Variants in KLF12 observed in about 807,000 individuals in gnomAD.
KLF12 encodes KLF transcription factor 12.
In KLF12, 9 loss-of-function variants were observed where a neutral mutation model predicts 37.8. That is an observed-to-expected ratio of 0.24 (90% CI 0.14 to 0.42). The LOEUF (loss-of-function observed/expected upper bound fraction) is 0.42, where lower values mean the gene tolerates loss of function less well. Among genes scored for constraint, KLF12 ranks in the 10% least tolerant of loss-of-function variants. The probability of loss-of-function intolerance (pLI) is 1.00; values close to 1 mark genes in which losing one functional copy is unlikely to be tolerated. For missense variants in KLF12, 411 were observed against 516.0 expected, an observed-to-expected ratio of 0.80 and a Z score of 1.97; for synonymous variants, 208 against 202.1, an observed-to-expected ratio of 1.03 and a Z score of -0.25.
At chr13:74,271,255 G>T in the KLF12 span, among the ~76,000 whole-genome samples, 2 of 152,130 alleles carry the variant, frequency 1.3e-5, no homozygotes, top group Non-Finnish European at 2.9e-5. Context: ...ATGCCAAAAA[G>T]GTTTGGGACT....
At position 74,039,932 on chromosome 13, in the gene KLF12, A is replaced by G. The variant is rs138793780; in HGVS notation, c.-31-44879T>C. ...TATAAAATAGTGACTTACGGCTGTC[A>G]ATGTAAAAAGTATGGCTTGCTCGAA... On this transcript the variant is annotated intron_variant, in intron 1 of 7. Coordinates refer to ENST00000377669, the MANE Select transcript of KLF12 (RefSeq NM_007249.5). 4.1e-4 allele frequency among the ~76,000 whole-genome samples: 62 copies of G among 152,366 alleles called. 1 individual carries two copies. The highest frequency in any genetic ancestry group is 7.2e-4 in the Non-Finnish European group (49 of 68,034).
chr13:73,860,786 T>C (rs921198864), intron 3 of KLF12, among the ~76,000 whole-genome samples: 5 of 152,174 alleles, frequency 3.3e-5, no homozygotes, highest in Admixed American at 3.3e-4. Context: ...GGTAAATATA[T>C]TAACTTATTA....
intron 3 of KLF12, among the ~76,000 whole-genome samples, chr13:73,912,295 C>A (rs1888606331): frequency 6.6e-6 from 1 of 152,112 alleles, no homozygotes; most frequent in South Asian, 2.1e-4. Flanking sequence ...CTTAAACACT[C>A]TTTTGTGGAT....
intron 3 of KLF12, among the ~76,000 whole-genome samples, chr13:73,910,178 T>C: frequency 6.6e-6 from 1 of 152,168 alleles, no homozygotes; most frequent in East Asian, 1.9e-4. Context: ...TTCAGAAATA[T>C]TCATATTTGC....
chr13:73,895,533 C>G (rs1273312597), intron 3 of KLF12, among the ~76,000 whole-genome samples: 2 of 152,068 alleles, frequency 1.3e-5, no homozygotes, highest in African/African-American at 4.8e-5. Flanking sequence ...TATGCCAGTC[C>G]TCGTATCTTT....
At chr13:73,963,270 AAG>A (rs1891072885) in intron 2 of KLF12, among the ~76,000 whole-genome samples, 1 of 141,686 alleles carries the variant, frequency 7.1e-6, no homozygotes, top group Admixed American at 7.4e-5. Flanking sequence ...CATAAAGTAT[AAG>A]AGAGTCATTT....
chr13:73,762,523 A>T (rs1455873336), intron 6 of KLF12, among the ~76,000 whole-genome samples: 1 of 152,072 alleles, frequency 6.6e-6, no homozygotes, highest in African/African-American at 2.4e-5. Flanking sequence ...CCTGAACTTT[A>T]ATTACTTATT....
chr13:73,790,953 A>G (rs184522389), intron 5 of KLF12, among the ~76,000 whole-genome samples: 2 of 152,256 alleles, frequency 1.3e-5, no homozygotes, highest in Non-Finnish European at 1.5e-5. Context: ...AAAATAACAC[A>G]TTGCCTTGGA....
intron 1 of KLF12, among the ~76,000 whole-genome samples, chr13:74,014,979 C>T (rs1223800928): frequency 1.3e-5 from 2 of 152,058 alleles, no homozygotes; most frequent in Non-Finnish European, 2.9e-5. Flanking sequence ...GATTGTGAAT[C>T]CAAAATCTGT....
At chr13:73,898,764 C>T (rs1013115234) in intron 3 of KLF12, among the ~76,000 whole-genome samples, 1 of 152,182 alleles carries the variant, frequency 6.6e-6, no homozygotes, top group African/African-American at 2.4e-5. Context: ...ACTGGACACA[C>T]ATTTACACAA....
the KLF12 span, among the ~76,000 whole-genome samples, chr13:74,303,351 C>T: frequency 6.6e-6 from 1 of 152,112 alleles, no homozygotes; most frequent in Admixed American, 6.6e-5. Flanking sequence ...CATATGCTTT[C>T]ACATCCACAT....
At chr13:73,911,890 G>A (rs561421563) in intron 3 of KLF12, among the ~76,000 whole-genome samples, 2 of 152,300 alleles carry the variant, frequency 1.3e-5, no homozygotes, top group Non-Finnish European at 2.9e-5. Flanking sequence ...GTAGGCCAGA[G>A]ACTCTGCCAT....
At chr13:74,251,748 A>C in the KLF12 span, among the ~76,000 whole-genome samples, 1 of 152,156 alleles carries the variant, frequency 6.6e-6, no homozygotes, top group East Asian at 1.9e-4. Context: ...CAGCATTATA[A>C]ACGAACTTTC....
chr13:74,266,204 A>T, the KLF12 span, among the ~76,000 whole-genome samples: 1 of 152,196 alleles, frequency 6.6e-6, no homozygotes, highest in Admixed American at 6.5e-5. Flanking sequence ...GGGATGCTTT[A>T]TGGAGCTCCA....
chr13:73,693,036 C>T lies in KLF12; in HGVS notation c.*2454G>A, dbSNP rs2137531425. Reference sequence around the variant, plus strand: ...TTATGAATTCTAAAAACCAAGTCTACCTGTAATACTCTCAAGACATCTTTC... The same window carrying T: ...TTATGAATTCTAAAAACCAAGTCTATCTGTAATACTCTCAAGACATCTTTC... On this transcript the variant is annotated 3_prime_UTR_variant, in exon 8 of 8. Coordinates refer to ENST00000377669, the MANE Select transcript of KLF12 (RefSeq NM_007249.5). 6.6e-6 allele frequency: 1 copy of T among 152,288 alleles called. No individual in the cohort carries two copies. Among genetic ancestry groups the T allele is most frequent in the South Asian group, 2.1e-4 (1 of 4,830 alleles). 9.4% of individuals were successfully genotyped at this position (152,288 alleles called of 1,614,324 possible). A position where few individuals can be genotyped will look rare whatever the true frequency, so the allele number is the denominator to read the frequency against.
intron 2 of KLF12, among the ~76,000 whole-genome samples, chr13:73,948,892 C>G (rs1890541764): frequency 6.6e-6 from 1 of 152,174 alleles, no homozygotes; most frequent in Non-Finnish European, 1.5e-5. Context: ...TGCCATGCAA[C>G]AAATCACACA....
At chr13:73,943,466 T>C (rs977633823) in intron 3 of KLF12, among the ~76,000 whole-genome samples, 1 of 152,204 alleles carries the variant, frequency 6.6e-6, no homozygotes, top group Non-Finnish European at 1.5e-5. Context: ...AAATAATCTT[T>C]CTTTCGCTTT....
the KLF12 span, among the ~76,000 whole-genome samples, chr13:74,170,394 T>A: frequency 6.6e-6 from 1 of 152,194 alleles, no homozygotes; most frequent in African/African-American, 2.4e-5. Context: ...ATCTTGGGAA[T>A]TGGGCATTAT....
chr13:74,003,330 T>C (rs890886958), intron 1 of KLF12, among the ~76,000 whole-genome samples: 1 of 152,188 alleles, frequency 6.6e-6, no homozygotes, highest in African/African-American at 2.4e-5. Context: ...AGAATAATCA[T>C]ACATGTATGT....
Sources: allele counts gnomAD v4.1 joint callset (sites outside exome capture counted in the v4.1 genomes callset), GRCh38; gene constraint gnomAD v4.1.1; transcripts MANE v1.5; gene names NCBI Gene and HGNC (gene_info 2026-07-23, HGNC 2026-07-21).